The following ARSB variants were observed in gnomAD, a reference collection of about 807,000 sequenced individuals.
ARSB encodes N-acetylgalactosamine-4-sulfatase.
Under a neutral mutation model 50.9 loss-of-function variants are expected in ARSB, and 41 were observed. The ratio of observed to expected loss-of-function variants is 0.81; its 90% confidence interval spans 0.63 to 1.04. The LOEUF (loss-of-function observed/expected upper bound fraction) is 1.04, where lower values mean the gene tolerates loss of function less well. ARSB is among the 50% of genes least tolerant of loss of function. The probability of loss-of-function intolerance (pLI) is 0.00; values close to 1 mark genes in which losing one functional copy is unlikely to be tolerated. For synonymous variants in ARSB, 269 were observed against 284.8 expected (o/e 0.94, Z 0.56); for missense variants, 672 against 693.3 (o/e 0.97, Z 0.35).
At chr5:78,846,551 G>C (rs778592552) in intron 5 of ARSB, among the ~76,000 whole-genome samples, 3 of 152,016 alleles carry the variant, frequency 2.0e-5, no homozygotes, top group Non-Finnish European at 4.4e-5. Flanking sequence ...TCTTCTGCTA[G>C]CTTGTTGCTG....
At chr5:78,892,305 G>C (rs1748345671) in intron 4 of ARSB, among the ~76,000 whole-genome samples, 1 of 141,010 alleles carries the variant, frequency 7.1e-6, no homozygotes, top group African/African-American at 2.8e-5. Context: ...TCCCAGGCTG[G>C]AGTACAGTGG....
chr5:78,854,436 A>C (rs1746038377), intron 5 of ARSB, among the ~76,000 whole-genome samples: 1 of 152,020 alleles, frequency 6.6e-6, no homozygotes, highest in South Asian at 2.1e-4. Flanking sequence ...GTCTATTTTC[A>C]TTTCTTTCAA....
chr5:78,933,327 A>C (rs371917767), intron 4 of ARSB, among the ~76,000 whole-genome samples: 6 of 152,350 alleles, frequency 3.9e-5, no homozygotes, highest in African/African-American at 1.4e-4. Context: ...AGTAGAAGAA[A>C]TCAGTCCATG....
At chr5:78,787,980 G>A (rs186447720) in intron 6 of ARSB, among the ~76,000 whole-genome samples, 1 of 152,196 alleles carries the variant, frequency 6.6e-6, no homozygotes, top group East Asian at 1.9e-4. Flanking sequence ...AACAGCAAAC[G>A]GAGTAGAGAG....
chr5:78,897,294 T>C (rs1389219477), intron 4 of ARSB, among the ~76,000 whole-genome samples: 2 of 152,160 alleles, frequency 1.3e-5, no homozygotes, highest in East Asian at 3.9e-4. Flanking sequence ...GGGCATTGCA[T>C]CCTGAGCCCC....
chr5:78,870,891 T>A (rs970608715), intron 5 of ARSB, among the ~76,000 whole-genome samples: 1 of 152,160 alleles, frequency 6.6e-6, no homozygotes, highest in South Asian at 2.1e-4. Context: ...GTTTGCAGAT[T>A]ACATGATTGT....
intron 6 of ARSB, among the ~76,000 whole-genome samples, chr5:78,804,178 A>C (rs1452854924): frequency 1.3e-5 from 2 of 152,110 alleles, no homozygotes; most frequent in East Asian, 3.8e-4. Flanking sequence ...CAGGATTTGC[A>C]ACTGCTCACT....
chr5:78,934,636 A>C (rs1185487748), intron 4 of ARSB, among the ~76,000 whole-genome samples: 1 of 152,070 alleles, frequency 6.6e-6, no homozygotes, highest in Non-Finnish European at 1.5e-5. Flanking sequence ...CTAAAAATAC[A>C]AAAATTTGGC....
intron 5 of ARSB, among the ~76,000 whole-genome samples, chr5:78,840,748 G>A (rs1378614609): frequency 6.6e-6 from 1 of 151,352 alleles, no homozygotes; most frequent in Non-Finnish European, 1.5e-5. Context: ...GGGTGCCCAC[G>A]GTCCTGGGAC....
At chr5:78,977,335 G>A (rs969279275) in intron 1 of ARSB, among the ~76,000 whole-genome samples, 4 of 152,088 alleles carry the variant, frequency 2.6e-5, no homozygotes, top group Admixed American at 2.6e-4. Flanking sequence ...TGTATTTTTA[G>A]TAGAGACAGG....
At chr5:78,870,670 T>G (rs1387641452) in intron 5 of ARSB, among the ~76,000 whole-genome samples, 1 of 150,918 alleles carries the variant, frequency 6.6e-6, no homozygotes. Context: ...TATTTCAAAA[T>G]AATAAGAGCT....
intron 6 of ARSB, among the ~76,000 whole-genome samples, chr5:78,802,158 C>A (rs926055973): frequency 5.9e-5 from 9 of 152,060 alleles, no homozygotes; most frequent in African/African-American, 2.2e-4. Context: ...CAACTCCTTG[C>A]CTGATAACTC....
At chr5:78,967,115 A>G (rs1010084759) in intron 2 of ARSB, among the ~76,000 whole-genome samples, 1 of 152,110 alleles carries the variant, frequency 6.6e-6, no homozygotes, top group Non-Finnish European at 1.5e-5. Flanking sequence ...CTTTTACTGA[A>G]TTGCACTTTG....
At chr5:78,859,787 C>T (rs904048828) in intron 5 of ARSB, among the ~76,000 whole-genome samples, 3 of 152,000 alleles carry the variant, frequency 2.0e-5, no homozygotes, top group African/African-American at 7.2e-5. Context: ...CCTCTCACCC[C>T]GAATGCTGGC....
intron 4 of ARSB, among the ~76,000 whole-genome samples, chr5:78,944,221 G>A (rs1014507803): frequency 1.3e-5 from 2 of 152,090 alleles, no homozygotes; most frequent in East Asian, 1.9e-4. Context: ...CCATGGGTTC[G>A]AACTTCCTCC....
At chr5:78,946,517 T>G (rs1322088182) in intron 4 of ARSB, among the ~76,000 whole-genome samples, 2 of 152,140 alleles carry the variant, frequency 1.3e-5, no homozygotes, top group African/African-American at 4.8e-5. Flanking sequence ...TTACAATAGC[T>G]ACCAATAAAA....
At chr5:78,889,542 C>T (rs1748184734) in intron 4 of ARSB, among the ~76,000 whole-genome samples, 1 of 152,102 alleles carries the variant, frequency 6.6e-6, no homozygotes, top group African/African-American at 2.4e-5. Flanking sequence ...CAGGGAAAAT[C>T]TAATTATAAG....
At chr5:78,874,414 G>A (rs1747389800) in intron 5 of ARSB, among the ~76,000 whole-genome samples, 1 of 152,116 alleles carries the variant, frequency 6.6e-6, no homozygotes, top group Non-Finnish European at 1.5e-5. Flanking sequence ...AGTTACATAA[G>A]TTGCTTGATT....
chr5:78,919,283 C>T (rs1749696332), intron 4 of ARSB, among the ~76,000 whole-genome samples: 1 of 152,184 alleles, frequency 6.6e-6, no homozygotes, highest in Admixed American at 6.5e-5. Flanking sequence ...CCACAAACAT[C>T]AGCGCACTTG....
Sources: gnomAD v4.1 joint callset for allele counts (sites outside exome capture counted in the v4.1 genomes callset) on GRCh38, gnomAD v4.1.1 for gene constraint, MANE v1.5 for transcripts, NCBI Gene and HGNC (gene_info 2026-07-23, HGNC 2026-07-21) for gene names.